Variants in CSNK1G1 observed in about 807,000 individuals in gnomAD.
The protein encoded by CSNK1G1 is casein kinase I isoform gamma-1.
CSNK1G1 carries 22 observed loss-of-function variants against 59.6 expected under a neutral mutation model. The ratio of observed to expected loss-of-function variants is 0.37; its 90% CI spans 0.26 to 0.53. The LOEUF (loss-of-function observed/expected upper bound fraction) is 0.53, where lower values mean the gene tolerates loss of function less well. Among genes scored for constraint, CSNK1G1 ranks in the 20% least tolerant of loss-of-function variants. CSNK1G1 has a pLI of 0.89. For missense variants in CSNK1G1, 384 were observed against 519.5 expected, an observed-to-expected ratio of 0.74 and a Z score of 2.54; for synonymous variants, 179 against 177.1, an observed-to-expected ratio of 1.01 and a Z score of -0.08.
chr15:64,192,507 A>G (rs945706983), intron 10 of CSNK1G1, among the ~76,000 whole-genome samples: 1 of 152,210 alleles, frequency 6.6e-6, no homozygotes, highest in Non-Finnish European at 1.5e-5. Flanking sequence ...TGAAAAAGTG[A>G]AAACCCCCAC....
chr15:64,263,761 T>G (rs1296593651), intron 2 of CSNK1G1, among the ~76,000 whole-genome samples: 2 of 149,608 alleles, frequency 1.3e-5, no homozygotes, highest in Non-Finnish European at 3.0e-5. Flanking sequence ...CATTTCTCAG[T>G]CTGTTTTCAC....
chr15:64,185,220 C>T (rs1273043228), intron 10 of CSNK1G1, among the ~76,000 whole-genome samples: 1 of 152,204 alleles, frequency 6.6e-6, no homozygotes, highest in Non-Finnish European at 1.5e-5. Context: ...TTAGATTCTG[C>T]ACTCCCTCCC....
At chr15:64,284,676 T>C (rs1327395547) in intron 2 of CSNK1G1, among the ~76,000 whole-genome samples, 2 of 152,060 alleles carry the variant, frequency 1.3e-5, no homozygotes, top group Non-Finnish European at 2.9e-5. Context: ...CCCAGAAACA[T>C]ATTATGTCTT....
chr15:64,329,482 C>CAAA (rs1190138521), intron 1 of CSNK1G1, among the ~76,000 whole-genome samples: 1 of 138,138 alleles, frequency 7.2e-6, no homozygotes, highest in Admixed American at 7.4e-5. Context: ...CCAACGAGAA[C>CAAA]AAAGACACAA....
intron 7 of CSNK1G1, 85 bp downstream of exon 7, chr15:64,207,424 T>C: frequency 2.0e-6 from 2 of 1,017,562 alleles, no homozygotes; most frequent in Admixed American, 4.0e-5. Flanking sequence ...CCCCTACACA[T>C]TTCTTAAAAA....
chr15:64,280,392 TTTTG>T (rs1175124106), intron 2 of CSNK1G1, among the ~76,000 whole-genome samples: 1 of 152,092 alleles, frequency 6.6e-6, no homozygotes, highest in African/African-American at 2.4e-5. Context: ...ACCTTTTTTT[TTTTG>T]TTTGTATTGT....
chr15:64,311,915 G>C (rs1896019252), intron 1 of CSNK1G1, among the ~76,000 whole-genome samples: 1 of 152,104 alleles, frequency 6.6e-6, no homozygotes, highest in South Asian at 2.1e-4. Context: ...CTTCAGCAAA[G>C]TCTCAGGATA....
intron 1 of CSNK1G1, among the ~76,000 whole-genome samples, chr15:64,336,892 T>C (rs929494513): frequency 5.3e-5 from 8 of 152,186 alleles, no homozygotes; most frequent in African/African-American, 1.7e-4. Flanking sequence ...ACGTATTATT[T>C]ACTTTTTTCT....
At position 64,322,967 on chromosome 15, in the gene CSNK1G1, C is replaced by T. The variant is rs570756668; in HGVS notation, c.-224-22244G>A. Among the ~76,000 whole-genome samples the T allele has an allele frequency of 5.9e-5, 9 of 151,798 alleles. 1 individual carries two copies. The highest frequency in any genetic ancestry group is 1.9e-4 in the African/African-American group (8 of 41,402). ...TTTTTTTTTTCCTCGCTCTGTTGCC[C>T]AGGCTGGAGTGCAGTGGCACAATCA... On this transcript the variant is annotated intron_variant, in intron 1 of 11. Coordinates refer to ENST00000303052, the MANE Select transcript of CSNK1G1 (RefSeq NM_022048.5).
chr15:64,264,925 G>C (rs1892900344), intron 2 of CSNK1G1, among the ~76,000 whole-genome samples: 1 of 152,128 alleles, frequency 6.6e-6, no homozygotes, highest in Admixed American at 6.5e-5. Flanking sequence ...CAGACTGAAT[G>C]GGGAAAAATT....
At chr15:64,178,647 A>G (rs1469498695) in intron 11 of CSNK1G1, among the ~76,000 whole-genome samples, 1 of 151,796 alleles carries the variant, frequency 6.6e-6, no homozygotes, top group East Asian at 1.9e-4. Context: ...ACACCCAGCT[A>G]ATTTTTATAT....
At chr15:64,355,132 CTGTGATACATCTATATG>C (rs939169381) in intron 1 of CSNK1G1, among the ~76,000 whole-genome samples, 2 of 152,184 alleles carry the variant, frequency 1.3e-5, no homozygotes, top group Non-Finnish European at 2.9e-5. Flanking sequence ...TTGCCTAGAC[CTGTGATACATCTATATG>C]GTTTCCCCAG....
intron 4 of CSNK1G1, among the ~76,000 whole-genome samples, chr15:64,218,852 GTTTTTTTTT>G (rs11364699): frequency 1.8e-5 from 2 of 114,104 alleles, no homozygotes; most frequent in African/African-American, 7.0e-5. Context: ...AATTTGAAGT[GTTTTTTTTT>G]TTTTTTTTTT....
chr15:64,177,653 G>A (rs555303943), intron 11 of CSNK1G1, among the ~76,000 whole-genome samples: 1 of 152,132 alleles, frequency 6.6e-6, no homozygotes, highest in African/African-American at 2.4e-5. Flanking sequence ...TTACATTCTA[G>A]AGGTTAGATT....
At chr15:64,276,836 ACTT>A (rs1270456270) in intron 2 of CSNK1G1, among the ~76,000 whole-genome samples, 1 of 151,802 alleles carries the variant, frequency 6.6e-6, no homozygotes, top group Non-Finnish European at 1.5e-5. Flanking sequence ...AGTCCCAGCT[ACTT>A]GAGAGGCTGA....
chr15:64,346,837 C>T (rs1481964854), intron 1 of CSNK1G1, among the ~76,000 whole-genome samples: 1 of 152,068 alleles, frequency 6.6e-6, no homozygotes, highest in African/African-American at 2.4e-5. Flanking sequence ...TTAAAAACTT[C>T]TGCACTATGA....
intron 4 of CSNK1G1, among the ~76,000 whole-genome samples, chr15:64,225,047 T>A (rs1448703530): frequency 6.7e-6 from 1 of 150,176 alleles, no homozygotes; most frequent in Non-Finnish European, 1.5e-5. Context: ...CTTGCTCTGT[T>A]GCCCAGGCTG....
chr15:64,294,691 A>T (rs1017844026), intron 2 of CSNK1G1, among the ~76,000 whole-genome samples: 6 of 151,606 alleles, frequency 4.0e-5, no homozygotes, highest in Admixed American at 2.0e-4. Context: ...CAGGCAGATC[A>T]CCTGAGGTCA....
chr15:64,352,651 C>T (rs1898378849), intron 1 of CSNK1G1, among the ~76,000 whole-genome samples: 1 of 150,594 alleles, frequency 6.6e-6, no homozygotes, highest in Non-Finnish European at 1.5e-5. Context: ...CTCCATGTTG[C>T]TCAGGCTGGT....
Sources: allele counts gnomAD v4.1 joint callset (sites outside exome capture counted in the v4.1 genomes callset), GRCh38; gene constraint gnomAD v4.1.1; transcripts MANE v1.5; gene names NCBI Gene and HGNC (gene_info 2026-07-23, HGNC 2026-07-21).